Variants in SIPA1L3 observed in about 807,000 individuals in gnomAD.
SIPA1L3 encodes the protein signal-induced proliferation-associated 1-like protein 3.
Under a neutral mutation model 150.1 loss-of-function variants are expected in SIPA1L3, and 59 were observed. The observed-to-expected ratio is 0.39, with a 90% CI of 0.32 to 0.49. SIPA1L3 has a LOEUF of 0.49. Among genes scored for constraint, SIPA1L3 ranks in the 20% least tolerant of loss-of-function variants. The probability of loss-of-function intolerance (pLI) is 0.86; values close to 1 mark genes in which losing one functional copy is unlikely to be tolerated. For missense variants in SIPA1L3, 2,211 were observed against 2,489.5 expected (o/e 0.89, Z 2.38); for synonymous variants, 1,070 against 1,077.6 (o/e 0.99, Z 0.14).
chr19:38,067,964 C>T (rs1223266062), intron 2 of SIPA1L3, among the ~76,000 whole-genome samples: 3 of 151,950 alleles, frequency 2.0e-5, no homozygotes, highest in Non-Finnish European at 4.4e-5. Flanking sequence ...TGTAGTGGTC[C>T]CATGTATGCT....
intron 12 of SIPA1L3, among the ~76,000 whole-genome samples, chr19:38,144,938 A>C (rs1252275089): frequency 6.6e-6 from 1 of 152,162 alleles, no homozygotes; most frequent in African/African-American, 2.4e-5. Flanking sequence ...AGTCATTCCA[A>C]ACAGAGTAAA....
At chr19:38,065,466 A>G (rs917796181) in intron 2 of SIPA1L3, among the ~76,000 whole-genome samples, 2 of 137,184 alleles carry the variant, frequency 1.5e-5, no homozygotes, top group Admixed American at 8.1e-5. Flanking sequence ...CCCAGGCTGG[A>G]GTACAGTGGT....
intron 12 of SIPA1L3, among the ~76,000 whole-genome samples, chr19:38,151,129 C>G (rs1333412973): frequency 2.0e-5 from 3 of 152,176 alleles, no homozygotes; most frequent in Non-Finnish European, 2.9e-5. Context: ...GATGTTAAAT[C>G]TGGACCCAGC....
At chr19:38,137,129 A>G (rs902994554) in intron 10 of SIPA1L3, among the ~76,000 whole-genome samples, 1 of 152,188 alleles carries the variant, frequency 6.6e-6, no homozygotes, top group Non-Finnish European at 1.5e-5. Flanking sequence ...TGGATCAGCC[A>G]TCTGGCCCCG....
At position 38,101,054 on chromosome 19, in the gene SIPA1L3, C is replaced by G; in HGVS notation, c.1857C>G (p.Leu619=). The G allele has an allele frequency of 6.4e-7, 1 of 1,552,246 alleles. No homozygotes were observed. Among genetic ancestry groups the G allele is most frequent in the Non-Finnish European group, 8.7e-7 (1 of 1,148,210 alleles). Residue 619 remains leucine, a splice_region_variant and synonymous_variant, in exon 6 of 22, where the codon CTC becomes CTG. Transcript: ENST00000222345. ...EQLLKLDEQG[L]CRKHKVGILY... Reference sequence around the variant, plus strand: ...CAAAGCCACTCTTGCCTCTGCAGCTCTGCCGGAAGCACAAGGTGGGCATCC... The same window carrying G: ...CAAAGCCACTCTTGCCTCTGCAGCTGTGCCGGAAGCACAAGGTGGGCATCC...
chr19:37,925,202 T>C (rs1279959281), intron 1 of SIPA1L3, among the ~76,000 whole-genome samples: 3 of 152,212 alleles, frequency 2.0e-5, no homozygotes, highest in African/African-American at 7.2e-5. Context: ...CTCATGTCAC[T>C]AGGCAATAGG....
chr19:38,082,657 G>A lies in SIPA1L3; in HGVS notation c.1092G>A (p.Gln364=). The A allele has an allele frequency of 6.2e-7, 1 of 1,607,696 alleles. No homozygotes were observed. The highest frequency in any genetic ancestry group is 8.5e-7 in the Non-Finnish European group (1 of 1,179,680). ...CCGCCAACAGGGTGTCGGTGTCGCA[G>A]CGGCGGAACACCACCACGGGTGCTT... ...EAAANRVSVS[Q]RRNTTTGASA... The change falls in exon 3 of 22, where the codon CAG becomes CAA. Residue 364 remains glutamine, a synonymous_variant. Coordinates refer to ENST00000222345, the MANE Select transcript of SIPA1L3 (RefSeq NM_015073.3).
At chr19:38,080,883 T>C (rs1450961458) in intron 2 of SIPA1L3, among the ~76,000 whole-genome samples, 5 of 151,360 alleles carry the variant, frequency 3.3e-5, no homozygotes, top group Non-Finnish European at 7.4e-5. Flanking sequence ...GGCAGGAGAA[T>C]CATTCGAACC....
At chr19:38,043,440 G>A (rs1269044768) in intron 2 of SIPA1L3, among the ~76,000 whole-genome samples, 1 of 152,234 alleles carries the variant, frequency 6.6e-6, no homozygotes, top group Admixed American at 6.5e-5. Flanking sequence ...CAGGTGGAAT[G>A]TGATCCAAGC....
chr19:38,126,689 A>G (rs1971180908), intron 9 of SIPA1L3, among the ~76,000 whole-genome samples: 1 of 151,822 alleles, frequency 6.6e-6, no homozygotes, highest in Non-Finnish European at 1.5e-5. Context: ...GATGTGCACC[A>G]CCATGCCCAG....
chr19:38,189,032 C>T (rs956367763), intron 16 of SIPA1L3, among the ~76,000 whole-genome samples: 7 of 152,100 alleles, frequency 4.6e-5, no homozygotes, highest in African/African-American at 7.2e-5. Flanking sequence ...ATGTTCCAAA[C>T]GTGACTGCAC....
At chr19:38,097,365 T>A (rs897923580) in intron 4 of SIPA1L3, among the ~76,000 whole-genome samples, 1 of 151,808 alleles carries the variant, frequency 6.6e-6, no homozygotes, top group Non-Finnish European at 1.5e-5. Flanking sequence ...AAAAAAAGAA[T>A]AAAAAAATAC....
intron 2 of SIPA1L3, among the ~76,000 whole-genome samples, chr19:38,032,496 C>T (rs1968674848): frequency 6.6e-6 from 1 of 152,164 alleles, no homozygotes; most frequent in African/African-American, 2.4e-5. Flanking sequence ...AACTCCTTAC[C>T]TTAAGGGAAC....
rs1393583463 is a variant in SIPA1L3, at chr19:38,088,618, T to C, written c.1535-103T>C. The C allele has an allele frequency of 3.6e-6, 5 of 1,405,108 alleles. No individual in the cohort carries two copies. The Admixed American group carries it at 1.1e-4, about 30-fold the overall frequency. 87.0% of individuals were successfully genotyped at this position (1,405,108 alleles called of 1,614,324 possible). On this transcript the variant is annotated intron_variant, in intron 3 of 21. Transcript: ENST00000222345. ...TTTGCGTGACCAGCATCCCACAGAT[T>C]GCACAGGACCCTGCCTGGTCGCCCT...
chr19:37,974,892 T>G (rs1967038827), intron 1 of SIPA1L3, among the ~76,000 whole-genome samples: 1 of 152,160 alleles, frequency 6.6e-6, no homozygotes, highest in Non-Finnish European at 1.5e-5. Context: ...GGTAGTTAAT[T>G]TGTGGCCAGG....
intron 13 of SIPA1L3, among the ~76,000 whole-genome samples, chr19:38,158,650 G>A (rs1003397986): frequency 3.3e-5 from 5 of 152,216 alleles, no homozygotes; most frequent in Admixed American, 1.3e-4. Context: ...GGAGATGCAC[G>A]ATTCTGGATA....
At chr19:38,057,434 C>CT (rs991038972) in intron 2 of SIPA1L3, among the ~76,000 whole-genome samples, 1 of 151,754 alleles carries the variant, frequency 6.6e-6, no homozygotes, top group Non-Finnish European at 1.5e-5. Flanking sequence ...ATTATCGAGT[C>CT]TTTCCTGTCT....
At chr19:38,120,831 CTG>C (rs1399880056) in intron 9 of SIPA1L3, among the ~76,000 whole-genome samples, 1 of 152,254 alleles carries the variant, frequency 6.6e-6, no homozygotes, top group African/African-American at 2.4e-5. Flanking sequence ...AGAAAGAACA[CTG>C]TGGTCAGTGA....
chr19:37,960,017 T>G (rs1261807024), intron 1 of SIPA1L3, among the ~76,000 whole-genome samples: 1 of 152,148 alleles, frequency 6.6e-6, no homozygotes, highest in East Asian at 1.9e-4. Context: ...TATAATTATT[T>G]TATGAAATCT....
Sources: gnomAD v4.1 joint callset for allele counts (sites outside exome capture counted in the v4.1 genomes callset) on GRCh38, gnomAD v4.1.1 for gene constraint, MANE v1.5 for transcripts, NCBI Gene and HGNC (gene_info 2026-07-23, HGNC 2026-07-21) for gene names.